Variants in KANK4 observed in about 807,000 individuals in gnomAD.
The protein encoded by KANK4 is KN motif and ankyrin repeat domain-containing protein 4.
In KANK4, 50 loss-of-function variants were observed where a neutral mutation model predicts 80.8. The observed-to-expected ratio is 0.62, with a 90% CI of 0.49 to 0.78. The LOEUF (loss-of-function observed/expected upper bound fraction) is 0.78, where lower values mean the gene tolerates loss of function less well. KANK4 is among the 30% of genes least tolerant of loss of function. KANK4 has a pLI of 0.00. For synonymous variants in KANK4, 465 were observed against 506.9 expected (o/e 0.92, Z 1.11); for missense variants, 1,196 against 1,240.1 (o/e 0.96, Z 0.53).
intron 1 of KANK4, among the ~76,000 whole-genome samples, chr1:62,306,313 C>T (rs1048765382): frequency 6.6e-6 from 1 of 152,040 alleles, no homozygotes; most frequent in African/African-American, 2.4e-5. Context: ...TACTCAGACC[C>T]AGACATAATT....
At position 62,249,841 on chromosome 1, in the gene KANK4, C is replaced by G. The variant is rs141364371; in HGVS notation, c.2683-2169G>C. Among the ~76,000 whole-genome samples, 383 of 152,024 alleles carry G rather than the reference C, an allele frequency of 2.5e-3. 3 individuals carry two copies. The highest frequency in any genetic ancestry group is 8.8e-3 in the African/African-American group (366 of 41,442). ...TACAGGCATGAGCCACCGCACCCAG[C>G]ACATCTGGTCAATTTTTGTATTTTT... On this transcript the variant is annotated intron_variant, in intron 8 of 9. Coordinates refer to ENST00000371153, the MANE Select transcript of KANK4 (RefSeq NM_181712.5).
chr1:62,252,074 C>A (rs1419989525), intron 8 of KANK4, among the ~76,000 whole-genome samples: 1 of 151,808 alleles, frequency 6.6e-6, no homozygotes, highest in Non-Finnish European at 1.5e-5. Context: ...AACAAATGGG[C>A]TACTTTGGTA....
intron 8 of KANK4, among the ~76,000 whole-genome samples, chr1:62,250,716 TAATTAAC>T (rs55760626): frequency 0.73 from 110,942 of 151,896 alleles, 40,801 homozygotes; most frequent in East Asian, 0.83. Context: ...ATTTAGAAAA[TAATTAAC>T]GTATTTATGG....
intron 1 of KANK4, among the ~76,000 whole-genome samples, chr1:62,291,510 T>G (rs940062899): frequency 6.6e-6 from 1 of 152,214 alleles, no homozygotes; most frequent in African/African-American, 2.4e-5. Flanking sequence ...GGCACAATCA[T>G]AGCTCACCAC....
In KANK4 at chr1:62,273,585, C is replaced by T. The variant is rs1315873891; in HGVS notation, c.1519G>A (p.Glu507Lys). The T allele has an allele frequency of 6.2e-7, 1 of 1,614,002 alleles. No homozygotes were observed. ...CCTCCCTGAGGGCCTCCTTCCTGTTCAGTGCCTGCTTCTTCAATCCTGAGT... is the reference window on the plus strand; with the variant it reads ...CCTCCCTGAGGGCCTCCTTCCTGTTTAGTGCCTGCTTCTTCAATCCTGAGT... ...TELRIEEAGT[E>K]QEGGPQGGTR... Residue 507 changes from glutamate (E) to lysine (K), a missense_variant, in exon 3 of 10, where the codon GAA becomes AAA. Glu to Lys is a moderately conservative substitution (Grantham distance 56). This residue lies in a region of KANK4 where 1,154 missense variants were observed against 1,179.6 expected (regional missense o/e 0.98). Transcript: ENST00000371153.
intron 2 of KANK4, among the ~76,000 whole-genome samples, chr1:62,278,337 C>T (rs377752887): frequency 0.028 from 475 of 16,940 alleles, 12 homozygotes; most frequent in African/African-American, 0.1. Context: ...TCCTTCCTTC[C>T]TTCCTTCCTT....
At chr1:62,281,698 C>T in intron 1 of KANK4, 64 bp from the exon 2 acceptor site, 1 of 1,022,062 alleles carries the variant, frequency 9.8e-7, no homozygotes, top group Non-Finnish European at 1.5e-6. Flanking sequence ...ATTGGGGAAA[C>T]ACAGCACTAA....
In KANK4 at chr1:62,273,869, ACGTC is replaced by A; in HGVS notation, c.1231_1234del (p.Asp411Ter). 1 of 1,613,980 alleles carries A rather than the reference ACGTC, an allele frequency of 6.2e-7. No homozygotes were observed. Among genetic ancestry groups the A allele is most frequent in the South Asian group, 1.1e-5 (1 of 91,046 alleles). The stretch of plus-strand genomic sequence containing the variant: ...ATGGACAGGGTCAGTGTTCACCATC[ACGTC>A]CGTCTGGCCCTGAGTGTCTTTGGCG... On this transcript the variant is annotated frameshift_variant, in exon 3 of 10. Coordinates refer to ENST00000371153, the MANE Select transcript of KANK4 (RefSeq NM_181712.5). LOFTEE classifies it high-confidence loss of function.
chr1:62,294,537 T>C (rs1316615095), intron 1 of KANK4, among the ~76,000 whole-genome samples: 1 of 152,230 alleles, frequency 6.6e-6, no homozygotes, highest in Non-Finnish European at 1.5e-5. Context: ...GGCTGTTGCA[T>C]CTGCCTTCTG....
At chr1:62,301,225 C>T (rs1378398535) in intron 1 of KANK4, among the ~76,000 whole-genome samples, 5 of 152,082 alleles carry the variant, frequency 3.3e-5, no homozygotes, top group Non-Finnish European at 7.4e-5. Flanking sequence ...GAGTTCAACT[C>T]TCTCATTTCA....
At chr1:62,269,931 C>A (rs1301033208) in intron 4 of KANK4, among the ~76,000 whole-genome samples, 1 of 152,160 alleles carries the variant, frequency 6.6e-6, no homozygotes, top group Admixed American at 6.5e-5. Context: ...ACTAATTAAA[C>A]CAGAGTGTTC....
At chr1:62,282,460 G>A (rs1415033110) in intron 1 of KANK4, among the ~76,000 whole-genome samples, 1 of 152,166 alleles carries the variant, frequency 6.6e-6, no homozygotes, top group East Asian at 1.9e-4. Flanking sequence ...GTGGAAGCAG[G>A]GTTGTTTTAG....
At chr1:62,286,760 C>A (rs186731174) in intron 1 of KANK4, among the ~76,000 whole-genome samples, 257 of 152,268 alleles carry the variant, frequency 1.7e-3, no homozygotes, top group Non-Finnish European at 3.1e-3. Context: ...TCCCTACCCC[C>A]TCCTGGGGCC....
intron 9 of KANK4, among the ~76,000 whole-genome samples, chr1:62,243,232 C>T (rs1557465242): frequency 6.6e-6 from 1 of 152,186 alleles, no homozygotes; most frequent in Non-Finnish European, 1.5e-5. Flanking sequence ...CCTGGCTCTC[C>T]CTGATCCAGC....
chr1:62,244,173 T>C (rs1416258438), intron 9 of KANK4, among the ~76,000 whole-genome samples: 2 of 151,964 alleles, frequency 1.3e-5, no homozygotes, highest in Non-Finnish European at 2.9e-5. Context: ...TGAACCTAGA[T>C]TCAAACTCAT....
intron 9 of KANK4, among the ~76,000 whole-genome samples, chr1:62,241,533 G>T (rs190270880): frequency 6.6e-6 from 1 of 152,286 alleles, no homozygotes; most frequent in Admixed American, 6.5e-5. Flanking sequence ...ACTTGATCTG[G>T]CCTGTTCACT....
chr1:62,250,383 G>A (rs1296602876), intron 8 of KANK4, among the ~76,000 whole-genome samples: 3 of 152,132 alleles, frequency 2.0e-5, no homozygotes, highest in African/African-American at 4.8e-5. Context: ...TTGTCCTCCC[G>A]GTCCCTTTCA....
intron 6 of KANK4, 61 bp downstream of exon 6, chr1:62,266,671 G>T: frequency 8.7e-7 from 1 of 1,154,514 alleles, no homozygotes; most frequent in Non-Finnish European, 1.3e-6. Context: ...AAGTCACCCT[G>T]GCAGAGCTAA....
chr1:62,271,245 C>G (rs776796200), intron 4 of KANK4, among the ~76,000 whole-genome samples: 44 of 152,166 alleles, frequency 2.9e-4, no homozygotes, highest in Non-Finnish European at 5.3e-4. Flanking sequence ...AGTCCTGGCC[C>G]TGGGGAAGAC....
Sources: allele counts gnomAD v4.1 joint callset (sites outside exome capture counted in the v4.1 genomes callset), GRCh38; gene constraint gnomAD v4.1.1; regional missense constraint gnomAD v4.1.1; transcripts MANE v1.5; gene names NCBI Gene and HGNC (gene_info 2026-07-23, HGNC 2026-07-21).